The following CSMD1 variants were observed in gnomAD, a reference collection of about 807,000 sequenced individuals.
CSMD1 encodes the protein CUB and Sushi multiple domains 1, also known as CUB and sushi domain-containing protein 1.
A neutral mutation model predicts 417.5 loss-of-function variants in CSMD1; 213 were observed. That is an observed-to-expected ratio of 0.51 (90% CI 0.46 to 0.57). The LOEUF is 0.57. CSMD1 is among the 20% of genes least tolerant of loss of function. The pLI is 0.00. For missense variants in CSMD1, 6,923 were observed against 4,529.7 expected (o/e 1.53, Z -15.17); for synonymous variants, 2,862 against 1,736.8 (o/e 1.65, Z -16.11).
intron 33 of CSMD1, among the ~76,000 whole-genome samples, chr8:3,194,625 T>A (rs1237223071): frequency 1.6e-5 from 2 of 128,620 alleles, no homozygotes; most frequent in East Asian, 2.4e-4. Flanking sequence ...ACTTGGCTAA[T>A]AATTTTTTTT....
At chr8:3,686,098 C>T (rs1211140130) in intron 7 of CSMD1, among the ~76,000 whole-genome samples, 1 of 13,852 alleles carries the variant, frequency 7.2e-5, no homozygotes, top group Non-Finnish European at 1.4e-4. Flanking sequence ...TCAGAAGGGT[C>T]AGTTTTCTAT....
At chr8:3,413,408 G>C (rs1418441232) in intron 12 of CSMD1, among the ~76,000 whole-genome samples, 3 of 152,184 alleles carry the variant, frequency 2.0e-5, no homozygotes, top group African/African-American at 7.2e-5. Flanking sequence ...AGAGGCTGAT[G>C]TTTGTTTATC....
intron 23 of CSMD1, among the ~76,000 whole-genome samples, chr8:3,309,583 A>G (rs994240133): frequency 1.1e-4 from 16 of 152,196 alleles, no homozygotes; most frequent in Admixed American, 1.0e-3. Context: ...TTACAGTAAC[A>G]TATTTCTATT....
intron 23 of CSMD1, among the ~76,000 whole-genome samples, chr8:3,319,893 G>C (rs1283149077): frequency 6.6e-6 from 1 of 152,068 alleles, no homozygotes; most frequent in Non-Finnish European, 1.5e-5. Context: ...ATATCAAATT[G>C]ATGACTCATT....
intron 3 of CSMD1, among the ~76,000 whole-genome samples, chr8:4,097,607 G>A (rs918447650): frequency 1.3e-5 from 2 of 152,192 alleles, no homozygotes; most frequent in East Asian, 3.9e-4. Context: ...ATTAGCTTAT[G>A]TTGGAGATAA....
intron 3 of CSMD1, among the ~76,000 whole-genome samples, chr8:4,299,299 A>G (rs1297539881): frequency 6.6e-5 from 10 of 152,122 alleles, no homozygotes; most frequent in Admixed American, 5.9e-4. Flanking sequence ...CACCCCCATC[A>G]CCCCCAGAGA....
chr8:4,426,864 C>CA (rs1310589234), intron 2 of CSMD1, among the ~76,000 whole-genome samples: 2 of 151,112 alleles, frequency 1.3e-5, no homozygotes, highest in African/African-American at 4.9e-5. Flanking sequence ...TAGCAGAATT[C>CA]AAAAGTGGGA....
intron 2 of CSMD1, among the ~76,000 whole-genome samples, chr8:4,512,737 T>C (rs575757954): frequency 6.6e-6 from 1 of 151,350 alleles, no homozygotes; most frequent in South Asian, 2.1e-4. Context: ...GCAAAATACA[T>C]ACAAAATGTA....
At chr8:4,374,962 G>GC (rs1554450676) in intron 3 of CSMD1, among the ~76,000 whole-genome samples, 1 of 49,798 alleles carries the variant, frequency 2.0e-5, no homozygotes. Context: ...AAGGTGGGGT[G>GC]GGGGGGGGGG....
At chr8:4,447,488 A>G (rs1014755560) in intron 2 of CSMD1, among the ~76,000 whole-genome samples, 1 of 152,220 alleles carries the variant, frequency 6.6e-6, no homozygotes, top group African/African-American at 2.4e-5. Context: ...AAATCTTTAA[A>G]TCTAAGATGT....
chr8:3,670,113 C>A (rs1282986682), intron 7 of CSMD1, among the ~76,000 whole-genome samples: 1 of 151,618 alleles, frequency 6.6e-6, no homozygotes, highest in Non-Finnish European at 1.5e-5. Flanking sequence ...AGTGTTGATC[C>A]TGGGTGTGTC....
At chr8:3,949,615 T>A (rs1811473469) in intron 5 of CSMD1, among the ~76,000 whole-genome samples, 1 of 151,932 alleles carries the variant, frequency 6.6e-6, no homozygotes, top group South Asian at 2.1e-4. Flanking sequence ...GTGGGTGGTT[T>A]GTTTGGGAGA....
At chr8:3,792,504 CT>C (rs1199212769) in intron 5 of CSMD1, among the ~76,000 whole-genome samples, 2 of 152,128 alleles carry the variant, frequency 1.3e-5, no homozygotes, top group Admixed American at 1.3e-4. Flanking sequence ...TTGCAACTCG[CT>C]GATTACTGTC....
chr8:4,951,387 C>T (rs1055088454), intron 1 of CSMD1, among the ~76,000 whole-genome samples: 78 of 150,278 alleles, frequency 5.2e-4, no homozygotes, highest in African/African-American at 1.7e-3. Flanking sequence ...CAGTCAGGAT[C>T]AGAGGTGTGA....
At chr8:3,670,596 T>C (rs922513931) in intron 7 of CSMD1, among the ~76,000 whole-genome samples, 61 of 147,932 alleles carry the variant, frequency 4.1e-4, no homozygotes, top group Non-Finnish European at 1.0e-4. Context: ...TGGGGATATA[T>C]ATATTGCACA....
At chr8:3,157,219 G>C (rs1819591577) in intron 39 of CSMD1, among the ~76,000 whole-genome samples, 1 of 152,062 alleles carries the variant, frequency 6.6e-6, no homozygotes, top group South Asian at 2.1e-4. Context: ...GATGGGTGAA[G>C]CTGGGGGCCT....
chr8:4,860,381 G>C (rs950583905), intron 1 of CSMD1, among the ~76,000 whole-genome samples: 6 of 151,202 alleles, frequency 4.0e-5, no homozygotes, highest in Non-Finnish European at 7.4e-5. Flanking sequence ...CTGCACAATG[G>C]GCACATGTAC....
intron 26 of CSMD1, among the ~76,000 whole-genome samples, chr8:3,272,125 A>G (rs1364747228): frequency 6.8e-6 from 1 of 147,170 alleles, no homozygotes; most frequent in Non-Finnish European, 1.5e-5. Context: ...TAAGGAAGGG[A>G]TCCAGTTTCA....
intron 26 of CSMD1, among the ~76,000 whole-genome samples, chr8:3,246,410 C>T (rs1003294297): frequency 4.6e-5 from 7 of 152,182 alleles, no homozygotes; most frequent in South Asian, 2.1e-4. Context: ...TCCTCAGTCA[C>T]GCTCTCACAT....
Sources: allele counts gnomAD v4.1 joint callset (sites outside exome capture counted in the v4.1 genomes callset), GRCh38; gene constraint gnomAD v4.1.1; transcripts MANE v1.5; gene names NCBI Gene and HGNC (gene_info 2026-07-23, HGNC 2026-07-21).